MAGI2: variants seen among roughly 807,000 people sequenced by gnomAD.
MAGI2 encodes the protein membrane associated guanylate kinase, WW and PDZ domain containing 2, also known as membrane-associated guanylate kinase, WW and PDZ domain-containing protein 2.
MAGI2 carries 35 observed loss-of-function variants against 133.3 expected under a neutral mutation model. The observed-to-expected ratio is 0.26, with a 90% CI of 0.20 to 0.35. The LOEUF (loss-of-function observed/expected upper bound fraction) is 0.35. Ranked by LOEUF, MAGI2 falls within the 10% of genes least tolerant of loss-of-function variation. The pLI is 1.00. For synonymous variants in MAGI2, 729 were observed against 710.6 expected (o/e 1.03, Z -0.41); for missense variants, 1,636 against 1,863.4 (o/e 0.88, Z 2.25).
intron 1 of MAGI2, among the ~76,000 whole-genome samples, chr7:79,397,128 T>C (rs1446327316): frequency 2.0e-5 from 3 of 150,312 alleles, no homozygotes; most frequent in Non-Finnish European, 3.0e-5. Context: ...AACTGATCCA[T>C]AGGATTCACC....
intron 4 of MAGI2, among the ~76,000 whole-genome samples, chr7:78,504,708 A>C (rs1354416150): frequency 6.6e-6 from 1 of 152,188 alleles, no homozygotes; most frequent in Non-Finnish European, 1.5e-5. Flanking sequence ...AGTATTATAT[A>C]ATGATGCCTA....
At chr7:79,234,733 G>A (rs1027429327) in intron 1 of MAGI2, among the ~76,000 whole-genome samples, 14 of 149,936 alleles carry the variant, frequency 9.3e-5, no homozygotes, top group Non-Finnish European at 1.9e-4. Flanking sequence ...TTTGCCTTTG[G>A]TTTGAATGTC....
intron 21 of MAGI2, chr7:78,065,537 A>G: frequency 1.5e-6 from 1 of 656,206 alleles, no homozygotes; most frequent in South Asian, 1.7e-5. Context: ...ACCAAGGCTC[A>G]TTAGAGAAAG....
intron 2 of MAGI2, among the ~76,000 whole-genome samples, chr7:78,900,467 A>G (rs1189161275): frequency 6.6e-6 from 1 of 152,022 alleles, no homozygotes; most frequent in African/African-American, 2.4e-5. Flanking sequence ...TATTCCTTGA[A>G]CACATCAAGC....
intron 1 of MAGI2, among the ~76,000 whole-genome samples, chr7:79,369,371 T>TA (rs1308075343): frequency 2.0e-5 from 3 of 152,192 alleles, no homozygotes; most frequent in Admixed American, 6.5e-5. Context: ...CCACTCAACT[T>TA]AGTCCTCTAA....
chr7:78,643,367 G>A (rs1162404543), intron 2 of MAGI2, among the ~76,000 whole-genome samples: 3 of 152,098 alleles, frequency 2.0e-5, no homozygotes, highest in Non-Finnish European at 2.9e-5. Context: ...AGATGAAAAA[G>A]TAGTAATTTT....
chr7:78,496,097 G>GT (rs1794065171), intron 5 of MAGI2, among the ~76,000 whole-genome samples: 1 of 152,006 alleles, frequency 6.6e-6, no homozygotes, highest in African/African-American at 2.4e-5. Flanking sequence ...GTTGTTTAAC[G>GT]TTTTTTGGAA....
intron 2 of MAGI2, among the ~76,000 whole-genome samples, chr7:78,759,934 C>A (rs368158695): frequency 3.3e-5 from 5 of 151,922 alleles, no homozygotes; most frequent in Non-Finnish European, 7.4e-5. Context: ...GAGACCAGCC[C>A]GGCCAATATG....
chr7:79,145,209 T>G (rs1822503249), intron 1 of MAGI2, among the ~76,000 whole-genome samples: 1 of 152,214 alleles, frequency 6.6e-6, no homozygotes, highest in Admixed American at 6.5e-5. Flanking sequence ...TTTTTCCTAC[T>G]TTATTTTTCT....
intron 2 of MAGI2, among the ~76,000 whole-genome samples, chr7:78,720,004 T>C (rs1820110306): frequency 6.6e-6 from 1 of 152,180 alleles, no homozygotes; most frequent in Non-Finnish European, 1.5e-5. Flanking sequence ...AACTATGAAC[T>C]CATAATCTAC....
At chr7:79,225,971 T>A (rs766254149) in intron 1 of MAGI2, among the ~76,000 whole-genome samples, 67 of 152,182 alleles carry the variant, frequency 4.4e-4, no homozygotes, top group Non-Finnish European at 2.9e-4. Flanking sequence ...TTGTATAGAA[T>A]GTCACCTGAG....
chr7:78,783,012 C>CTTTT (rs11432048), intron 2 of MAGI2, among the ~76,000 whole-genome samples: 1,596 of 95,496 alleles, frequency 0.017, 16 homozygotes, highest in Non-Finnish European at 0.024. Context: ...TGATTCTTAC[C>CTTTT]TTTTTTTTTT....
chr7:78,036,688 C>T (rs1470919586), intron 21 of MAGI2, among the ~76,000 whole-genome samples: 2 of 152,038 alleles, frequency 1.3e-5, no homozygotes. Context: ...GTGATCATAG[C>T]TCACTGCAGC....
chr7:78,860,197 G>A (rs1794036046), intron 2 of MAGI2, among the ~76,000 whole-genome samples: 1 of 152,126 alleles, frequency 6.6e-6, no homozygotes. Flanking sequence ...TTCTCCTTTA[G>A]CTTGGAGAAG....
At chr7:79,045,019 T>C (rs1158843263) in intron 1 of MAGI2, among the ~76,000 whole-genome samples, 4 of 152,180 alleles carry the variant, frequency 2.6e-5, no homozygotes, top group Admixed American at 6.5e-5. Context: ...TATCACAAAA[T>C]TGGGAAAACC....
intron 2 of MAGI2, among the ~76,000 whole-genome samples, chr7:78,800,792 C>T (rs543930564): frequency 3.5e-4 from 53 of 152,164 alleles, no homozygotes; most frequent in Non-Finnish European, 6.9e-4. Context: ...ATCCATATTT[C>T]CTTGCTCAGT....
intron 2 of MAGI2, among the ~76,000 whole-genome samples, chr7:78,633,394 C>T (rs1411190481): frequency 1.3e-5 from 2 of 152,008 alleles, no homozygotes; most frequent in African/African-American, 2.4e-5. Context: ...ATCCCCAGAA[C>T]CTAAAAGTTT....
chr7:78,760,411 G>A (rs1824389959), intron 2 of MAGI2, among the ~76,000 whole-genome samples: 1 of 139,240 alleles, frequency 7.2e-6, no homozygotes, highest in African/African-American at 2.7e-5. Context: ...TGCCCAGGCT[G>A]GAGTGCAATG....
chr7:79,226,207 A>G (rs896281105), intron 1 of MAGI2, among the ~76,000 whole-genome samples: 10 of 152,176 alleles, frequency 6.6e-5, no homozygotes, highest in African/African-American at 2.4e-4. Flanking sequence ...TTGTGTCTAA[A>G]AAAGTAGGAT....
Sources: gnomAD v4.1 joint callset for allele counts (sites outside exome capture counted in the v4.1 genomes callset) on GRCh38, gnomAD v4.1.1 for gene constraint, MANE v1.5 for transcripts, NCBI Gene and HGNC (gene_info 2026-07-23, HGNC 2026-07-21) for gene names.